ERBB4: variants seen among roughly 807,000 people sequenced by gnomAD.
ERBB4 encodes erb-b2 receptor tyrosine kinase 4.
ERBB4 carries 42 observed loss-of-function variants against 158.0 expected under a neutral mutation model. That is an observed-to-expected ratio of 0.27 (90% CI 0.21 to 0.34). The LOEUF is 0.34. Among genes scored for constraint, ERBB4 ranks in the 10% least tolerant of loss-of-function variants. ERBB4 has a pLI of 1.00. For synonymous variants in ERBB4, 583 were observed against 558.7 expected, an observed-to-expected ratio of 1.04 and a Z score of -0.61; for missense variants, 1,333 against 1,624.1, an observed-to-expected ratio of 0.82 and a Z score of 3.08.
intron 5 of ERBB4, among the ~76,000 whole-genome samples, chr2:211,736,545 C>G (rs914741763): frequency 6.6e-6 from 1 of 152,156 alleles, no homozygotes; most frequent in Non-Finnish European, 1.5e-5. Flanking sequence ...GATCTCTGTG[C>G]TCTTCTTATA....
intron 25 of ERBB4, among the ~76,000 whole-genome samples, chr2:211,418,474 A>C (rs1293720770): frequency 6.6e-6 from 1 of 152,166 alleles, no homozygotes; most frequent in Non-Finnish European, 1.5e-5. Context: ...ATTGTTTTAT[A>C]ATGTGGAATA....
intron 2 of ERBB4, among the ~76,000 whole-genome samples, chr2:212,100,703 G>T (rs537205805): frequency 1.3e-4 from 20 of 152,124 alleles, no homozygotes; most frequent in Non-Finnish European, 2.8e-4. Flanking sequence ...TGAAATAAAC[G>T]AAGTGACTAC....
At chr2:211,527,315 C>A (rs10180073) in intron 20 of ERBB4, among the ~76,000 whole-genome samples, 63,369 of 151,446 alleles carry the variant, frequency 0.42, 13,586 homozygotes, top group East Asian at 0.68. Context: ...TGGAAAAAAA[C>A]CCCAACTTTT....
At position 211,923,712 on chromosome 2, in the gene ERBB4, G is replaced by GTTGTATTGTATTGTATTGTA. The variant is rs113673706; in HGVS notation, c.421+23698_421+23717dup. Among the ~76,000 whole-genome samples the GTTGTATTGTATTGTATTGTA allele has an allele frequency of 5.7e-4, 86 of 151,676 alleles. 2 individuals are homozygous for GTTGTATTGTATTGTATTGTA. In the South Asian group the frequency reaches 0.015, roughly 27 times the overall value. On this transcript the variant is annotated intron_variant, in intron 3 of 27. Transcript: ENST00000342788. ...TTTTTAGAGGTTGCTCATAATCTAA[G>GTTGTATTGTATTGTATTGTA]TTGTATTGTATTGTATTGTATTGTA...
Position 211,378,647 on chromosome 2 carries a change from T to C in ERBB4, c.*4968A>G. 1 of 232,366 alleles carries C rather than the reference T, an allele frequency of 4.3e-6. No homozygotes were observed. The highest frequency in any genetic ancestry group is 8.5e-6 in the Non-Finnish European group (1 of 117,162). 14.4% of individuals were successfully genotyped at this position (232,366 alleles called of 1,614,324 possible). Reference sequence around the variant, plus strand: ...AGAAGTATAAAAACTGGCCCCATTGTAATATCAGTAATAATGAGGTCTCCA... The same window carrying C: ...AGAAGTATAAAAACTGGCCCCATTGCAATATCAGTAATAATGAGGTCTCCA... On this transcript the variant is annotated 3_prime_UTR_variant, in exon 28 of 28. Transcript: ENST00000342788.
At chr2:211,974,055 G>A (rs551715624) in intron 2 of ERBB4, among the ~76,000 whole-genome samples, 24 of 152,182 alleles carry the variant, frequency 1.6e-4, no homozygotes, top group African/African-American at 5.1e-4. Flanking sequence ...ACAGAGAGGC[G>A]AACAACACAC....
At chr2:211,725,300 G>A (rs924803795) in intron 5 of ERBB4, 106 bp from the exon 6 acceptor site, 1 of 856,542 alleles carries the variant, frequency 1.2e-6, no homozygotes. Flanking sequence ...ACTCAATTCA[G>A]CAAACATTTA....
At chr2:212,141,014 G>C (rs534499459) in intron 1 of ERBB4, among the ~76,000 whole-genome samples, 1 of 151,304 alleles carries the variant, frequency 6.6e-6, no homozygotes, top group Non-Finnish European at 1.5e-5. Flanking sequence ...TATCTCTTCT[G>C]ATCTCATATT....
At chr2:211,785,882 T>A (rs77126736) in intron 4 of ERBB4, among the ~76,000 whole-genome samples, 17,404 of 152,230 alleles carry the variant, frequency 0.11, 1,386 homozygotes, top group Middle Eastern at 0.19. Context: ...TATTGATTGC[T>A]ATGCATTCAT....
chr2:211,532,032 C>G (rs1194507008), intron 20 of ERBB4, among the ~76,000 whole-genome samples: 1 of 151,834 alleles, frequency 6.6e-6, no homozygotes, highest in East Asian at 1.9e-4. Context: ...TGAAATTAAC[C>G]AGGCACAGAA....
In ERBB4 at chr2:212,122,875, C is replaced by T. The variant is rs755694689; in HGVS notation, c.234+1877G>A. On this transcript the variant is annotated intron_variant, in intron 2 of 27. Transcript: ENST00000342788. Reference sequence around the variant, plus strand: ...TTGTTGTCAGTGAAATTTAGTTCCACGTACAGAAAAGTAAAGCAAACATAA... The same window carrying T: ...TTGTTGTCAGTGAAATTTAGTTCCATGTACAGAAAAGTAAAGCAAACATAA... Among the ~76,000 whole-genome samples, 201 of 152,118 alleles carry T rather than the reference C, an allele frequency of 1.3e-3. 1 individual carries two copies. The highest frequency in any genetic ancestry group is 6.8e-3 in the Middle Eastern group (2 of 294).
intron 1 of ERBB4, among the ~76,000 whole-genome samples, chr2:212,300,994 T>C (rs78391944): frequency 0.023 from 3,471 of 151,664 alleles, 46 homozygotes; most frequent in Non-Finnish European, 0.036. Flanking sequence ...TCTTCATTGA[T>C]GTCCTTTATT....
At chr2:211,908,465 A>G (rs953135997) in intron 3 of ERBB4, among the ~76,000 whole-genome samples, 3 of 151,750 alleles carry the variant, frequency 2.0e-5, no homozygotes, top group African/African-American at 4.8e-5. Flanking sequence ...AACCTTACTT[A>G]ATAAAGTCCT....
At chr2:211,722,299 C>G (rs891550986) in intron 7 of ERBB4, 94 bp downstream of exon 7, 2 of 1,037,076 alleles carry the variant, frequency 1.9e-6, no homozygotes, top group African/African-American at 1.6e-5. Context: ...TTATAATATT[C>G]TTACAAGTTT....
intron 20 of ERBB4, among the ~76,000 whole-genome samples, chr2:211,442,306 A>C (rs1177495448): frequency 6.6e-6 from 1 of 152,088 alleles, no homozygotes; most frequent in Non-Finnish European, 1.5e-5. Flanking sequence ...TTTCCTCCAC[A>C]AGATCTTCCC....
chr2:211,748,313 T>C (rs1350207691), intron 5 of ERBB4, among the ~76,000 whole-genome samples: 1 of 152,214 alleles, frequency 6.6e-6, no homozygotes, highest in Non-Finnish European at 1.5e-5. Flanking sequence ...TTGAATACAC[T>C]GTATGAGACT....
intron 16 of ERBB4, among the ~76,000 whole-genome samples, chr2:211,636,130 A>G (rs1156404619): frequency 6.6e-6 from 1 of 152,040 alleles, no homozygotes; most frequent in East Asian, 1.9e-4. Context: ...AAAAAAGTAT[A>G]TAAGAAGGAA....
At chr2:212,044,753 T>C (rs2077218648) in intron 2 of ERBB4, among the ~76,000 whole-genome samples, 1 of 152,176 alleles carries the variant, frequency 6.6e-6, no homozygotes, top group Non-Finnish European at 1.5e-5. Context: ...ACTGATACCC[T>C]TATAGTTCAG....
intron 5 of ERBB4, among the ~76,000 whole-genome samples, chr2:211,738,361 GTTTTTTT>G (rs10535592): frequency 1.2e-4 from 16 of 135,340 alleles, no homozygotes; most frequent in African/African-American, 3.8e-4. Flanking sequence ...CTTTGTTTTT[GTTTTTTT>G]TTTTTTTTTT....
Sources: gnomAD v4.1 joint callset for allele counts (sites outside exome capture counted in the v4.1 genomes callset) on GRCh38, gnomAD v4.1.1 for gene constraint, MANE v1.5 for transcripts, NCBI Gene and HGNC (gene_info 2026-07-23, HGNC 2026-07-21) for gene names.